FMN2: variants seen among roughly 807,000 people sequenced by gnomAD.
FMN2 encodes formin-2.
A neutral mutation model predicts 142.3 loss-of-function variants in FMN2; 51 were observed. The ratio of observed to expected loss-of-function variants is 0.36; its 90% CI spans 0.29 to 0.45. The LOEUF (loss-of-function observed/expected upper bound fraction) is 0.45. FMN2 is among the 20% of genes least tolerant of loss of function. FMN2 has a pLI of 1.00. For missense variants in FMN2, 1,936 were observed against 2,122.8 expected (o/e 0.91, Z 1.73); for synonymous variants, 882 against 869.8 (o/e 1.01, Z -0.25).
chr1:240,201,026 T>A (rs1024833797), intron 4 of FMN2, among the ~76,000 whole-genome samples: 2 of 152,224 alleles, frequency 1.3e-5, no homozygotes, highest in South Asian at 4.1e-4. Context: ...GTTCTTATTG[T>A]ATCTTACATT....
chr1:240,418,893 G>A (rs934029894), intron 15 of FMN2, among the ~76,000 whole-genome samples: 6 of 152,058 alleles, frequency 3.9e-5, no homozygotes, highest in South Asian at 2.1e-4. Flanking sequence ...GATCACCTGA[G>A]GTCAGGAGTT....
chr1:240,249,251 A>G (rs114699437), intron 6 of FMN2, among the ~76,000 whole-genome samples: 108 of 152,128 alleles, frequency 7.1e-4, no homozygotes, highest in African/African-American at 2.4e-3. Flanking sequence ...TTAAGTTGTT[A>G]ATCCGTCTTG....
intron 7 of FMN2, among the ~76,000 whole-genome samples, chr1:240,290,227 A>G (rs1196911367): frequency 1.3e-5 from 2 of 152,224 alleles, no homozygotes; most frequent in Non-Finnish European, 2.9e-5. Flanking sequence ...GAGACATTTT[A>G]AATATCTTAG....
chr1:240,427,372 AT>A (rs1201584173), intron 15 of FMN2, among the ~76,000 whole-genome samples: 3 of 151,432 alleles, frequency 2.0e-5, no homozygotes, highest in African/African-American at 7.3e-5. Context: ...CGCCCAGCTA[AT>A]TTTTTGTGTT....
intron 6 of FMN2, among the ~76,000 whole-genome samples, chr1:240,254,693 T>C (rs1005966410): frequency 1.3e-5 from 2 of 152,064 alleles, no homozygotes; most frequent in African/African-American, 2.4e-5. Context: ...TGGCTCCATA[T>C]GGCGGCTGCA....
chr1:240,144,259 G>A (rs1663335616), intron 2 of FMN2: 3 of 1,598,976 alleles, frequency 1.9e-6, no homozygotes, highest in Non-Finnish European at 2.6e-6. Flanking sequence ...CAAAAGAGGA[G>A]GCCAGGTTCA....
intron 8 of FMN2, among the ~76,000 whole-genome samples, chr1:240,328,341 C>T (rs993530736): frequency 1.3e-5 from 2 of 151,360 alleles, no homozygotes; most frequent in Non-Finnish European, 2.9e-5. Context: ...TATCAAATTA[C>T]TTCCAAATTC....
At chr1:240,394,786 G>A (rs563962701) in intron 15 of FMN2, among the ~76,000 whole-genome samples, 12 of 152,096 alleles carry the variant, frequency 7.9e-5, no homozygotes, top group Non-Finnish European at 1.2e-4. Flanking sequence ...TGGCCAACAC[G>A]GTGAAACCCC....
At chr1:240,258,910 T>C (rs1460098165) in intron 7 of FMN2, among the ~76,000 whole-genome samples, 1 of 152,230 alleles carries the variant, frequency 6.6e-6, no homozygotes, top group East Asian at 1.9e-4. Flanking sequence ...ACACAGACCT[T>C]ATAATCACAA....
At chr1:240,425,318 A>G (rs977946603) in intron 15 of FMN2, among the ~76,000 whole-genome samples, 21 of 152,146 alleles carry the variant, frequency 1.4e-4, no homozygotes, top group Middle Eastern at 3.4e-3. Context: ...TGAGGCCAGA[A>G]TGACAGAAGC....
At chr1:240,360,185 GT>G in intron 14 of FMN2, among the ~76,000 whole-genome samples, 1 of 152,006 alleles carries the variant, frequency 6.6e-6, no homozygotes, top group Non-Finnish European at 1.5e-5. Flanking sequence ...TCTGAGATTT[GT>G]TTATATCATC....
chr1:240,443,303 A>AT (rs1397349057), intron 16 of FMN2, among the ~76,000 whole-genome samples: 1 of 152,216 alleles, frequency 6.6e-6, no homozygotes, highest in East Asian at 1.9e-4. Flanking sequence ...CAGAAAAATT[A>AT]TTTTTTCATC....
At chr1:240,268,960 CT>C (rs1668903024) in intron 7 of FMN2, among the ~76,000 whole-genome samples, 1 of 151,922 alleles carries the variant, frequency 6.6e-6, no homozygotes, top group Non-Finnish European at 1.5e-5. Flanking sequence ...ATATTAGCCC[CT>C]ATTCAGTGCA....
At chr1:240,400,256 C>T (rs926140248) in intron 15 of FMN2, among the ~76,000 whole-genome samples, 11 of 152,194 alleles carry the variant, frequency 7.2e-5, no homozygotes, top group East Asian at 1.9e-4. Context: ...GTCAGGCTGA[C>T]GTGGAAACAA....
At chr1:240,111,282 C>A (rs1015355323) in intron 1 of FMN2, among the ~76,000 whole-genome samples, 1 of 152,082 alleles carries the variant, frequency 6.6e-6, no homozygotes, top group African/African-American at 2.4e-5. Flanking sequence ...CCAATCCAGA[C>A]CCTAAGAGAG....
chr1:240,355,849 T>C lies in FMN2; in HGVS notation c.4799T>C (p.Val1600Ala), dbSNP rs1558449401. 1 of 1,609,414 alleles carries C rather than the reference T, an allele frequency of 6.2e-7. No homozygotes were observed. The highest frequency in any genetic ancestry group is 2.2e-5 in the East Asian group (1 of 44,586). Residue 1600 changes from valine to alanine, a missense_variant, in exon 14 of 18, where the codon GTC becomes GCC. By Grantham distance (64) the Val-to-Ala change is moderately conservative. Transcript: ENST00000319653. The stretch of plus-strand genomic sequence containing the variant: ...GTTGAAGCAGGGAAAGTATACCAGG[T>C]CTCCTCAAAAGAGCATATGCAGCCT... ...CEVEAGKVYQVSSKEHMQPFK... is the reference protein window; with the variant it reads ...CEVEAGKVYQASSKEHMQPFK...
At chr1:240,375,004 A>T (rs1250390379) in intron 14 of FMN2, among the ~76,000 whole-genome samples, 2 of 152,134 alleles carry the variant, frequency 1.3e-5, no homozygotes, top group Non-Finnish European at 2.9e-5. Flanking sequence ...TAATTTCAAC[A>T]TTGTAGGGTT....
chr1:240,369,925 G>T (rs1407871243), intron 14 of FMN2, among the ~76,000 whole-genome samples: 1 of 152,162 alleles, frequency 6.6e-6, no homozygotes, highest in Non-Finnish European at 1.5e-5. Context: ...ATGGGTAAGG[G>T]ATTCCTATGT....
chr1:240,113,228 C>G (rs540977343), intron 1 of FMN2, among the ~76,000 whole-genome samples: 2 of 152,098 alleles, frequency 1.3e-5, no homozygotes, highest in East Asian at 3.9e-4. Context: ...AACCGGGAAG[C>G]CTCTGGTTCC....
Sources: allele counts gnomAD v4.1 joint callset (sites outside exome capture counted in the v4.1 genomes callset), GRCh38; gene constraint gnomAD v4.1.1; transcripts MANE v1.5; gene names NCBI Gene and HGNC (gene_info 2026-07-23, HGNC 2026-07-21).